EPHA6: variants seen among roughly 807,000 people sequenced by gnomAD.
EPHA6 encodes ephrin type-A receptor 6.
A neutral mutation model predicts 112.0 loss-of-function variants in EPHA6; 50 were observed. The observed-to-expected ratio is 0.45, with a 90% CI of 0.36 to 0.56. The LOEUF is 0.56. Among genes scored for constraint, EPHA6 ranks in the 20% least tolerant of loss-of-function variants. EPHA6 has a pLI of 0.00. For synonymous variants in EPHA6, 529 were observed against 490.7 expected (o/e 1.08, Z -1.03); for missense variants, 1,280 against 1,417.4 (o/e 0.90, Z 1.56).
intron 14 of EPHA6, among the ~76,000 whole-genome samples, chr3:97,642,020 C>T (rs2094011148): frequency 6.7e-6 from 1 of 148,856 alleles, no homozygotes. Context: ...GCAGTAACCT[C>T]TGCAGACTTA....
chr3:97,081,276 A>C (rs754244584), intron 3 of EPHA6, among the ~76,000 whole-genome samples: 4 of 152,078 alleles, frequency 2.6e-5, no homozygotes, highest in Admixed American at 2.0e-4. Flanking sequence ...CAAATAAACT[A>C]TAACATTACA....
chr3:96,854,132 G>A (rs1262114832), intron 1 of EPHA6, among the ~76,000 whole-genome samples: 1 of 148,784 alleles, frequency 6.7e-6, no homozygotes, highest in Non-Finnish European at 1.5e-5. Flanking sequence ...TTACATCATG[G>A]ATCTAAAAAA....
At chr3:96,952,623 A>G (rs1014232870) in intron 2 of EPHA6, among the ~76,000 whole-genome samples, 1 of 152,186 alleles carries the variant, frequency 6.6e-6, no homozygotes, top group Non-Finnish European at 1.5e-5. Flanking sequence ...CTGTCTCAAT[A>G]TTGTTATAGC....
intron 3 of EPHA6, among the ~76,000 whole-genome samples, chr3:97,039,384 A>T (rs1178857557): frequency 1.3e-5 from 2 of 152,134 alleles, no homozygotes; most frequent in African/African-American, 4.8e-5. Context: ...ATTTCAATTT[A>T]TAGAATTCAG....
At chr3:97,267,666 A>G (rs1246992696) in intron 5 of EPHA6, among the ~76,000 whole-genome samples, 1 of 152,086 alleles carries the variant, frequency 6.6e-6, no homozygotes, top group East Asian at 1.9e-4. Context: ...TTCTGACCCA[A>G]ATGGAAGATA....
Position 97,756,352 on chromosome 3 carries a change from T to C in EPHA6, c.*7651T>C, listed in dbSNP as rs187725636. On this transcript the variant is annotated 3_prime_UTR_variant, in exon 18 of 18. Coordinates refer to ENST00000389672, the MANE Select transcript of EPHA6 (RefSeq NM_001080448.3). ...TCTGTCAATGTGATTGATATGCTCA[T>C]TGTTAAATTTAACTTGTTTAAATAT... Among the ~76,000 whole-genome samples the C allele has an allele frequency of 4.0e-4, 61 of 152,102 alleles. 1 individual carries two copies. The South Asian group carries it at 5.4e-3, about 13-fold the overall frequency.
intron 13 of EPHA6, among the ~76,000 whole-genome samples, chr3:97,628,627 C>T (rs1007710394): frequency 6.6e-5 from 10 of 151,936 alleles, no homozygotes; most frequent in African/African-American, 2.4e-4. Context: ...ATCAGCATTT[C>T]AACAGCAATG....
intron 5 of EPHA6, among the ~76,000 whole-genome samples, chr3:97,256,584 A>G (rs1315943132): frequency 1.3e-5 from 2 of 152,022 alleles, no homozygotes; most frequent in East Asian, 1.9e-4. Flanking sequence ...TCTATACTGT[A>G]TTTTGCATAA....
chr3:96,913,325 G>A lies in EPHA6; in HGVS notation c.450+46436G>A, dbSNP rs111787977. Among the ~76,000 whole-genome samples the A allele has an allele frequency of 6.3e-3, 950 of 151,728 alleles. 7 individuals are homozygous for A. Among genetic ancestry groups the A allele is most frequent in the African/African-American group, 0.022 (897 of 41,400 alleles). On this transcript the variant is annotated intron_variant, in intron 2 of 17. Transcript: ENST00000389672. ...GTGAAGAATGCAGCGAACTATGATT[G>A]TGCCACTGTACTCCAGCTTGGGTGA...
intron 14 of EPHA6, among the ~76,000 whole-genome samples, chr3:97,717,127 A>G (rs1316967617): frequency 6.6e-6 from 1 of 150,636 alleles, no homozygotes. Flanking sequence ...GCTACTCGGG[A>G]GGCTGAGGCA....
intron 7 of EPHA6, among the ~76,000 whole-genome samples, chr3:97,461,296 C>T (rs533483680): frequency 1.3e-5 from 2 of 152,222 alleles, no homozygotes; most frequent in South Asian, 2.1e-4. Context: ...AAAATTCAAG[C>T]TTTGTACTTA....
intron 1 of EPHA6, among the ~76,000 whole-genome samples, chr3:96,865,701 A>C (rs1289982168): frequency 2.6e-5 from 4 of 151,040 alleles, no homozygotes; most frequent in Non-Finnish European, 5.9e-5. Context: ...AAACAAAAAA[A>C]AAAAAAAAAA....
At position 97,641,832 on chromosome 3, in the gene EPHA6, T is replaced by A. The variant is rs538070001; in HGVS notation, c.2784+3750T>A. 9.5e-4 allele frequency among the ~76,000 whole-genome samples: 145 copies of A among 151,972 alleles called. 3 individuals are homozygous for A. The highest frequency in any genetic ancestry group is 4.6e-4 in the Admixed American group (7 of 15,268). ...TGATTGCTAGCACAGCAGTCTGAGATCAAACTGCAAGGCGGCAGCGAGGCT... is the reference window on the plus strand; with the variant it reads ...TGATTGCTAGCACAGCAGTCTGAGAACAAACTGCAAGGCGGCAGCGAGGCT... On this transcript the variant is annotated intron_variant, in intron 14 of 17. Coordinates refer to ENST00000389672, the MANE Select transcript of EPHA6 (RefSeq NM_001080448.3).
chr3:97,102,564 G>T (rs935359553), intron 3 of EPHA6, among the ~76,000 whole-genome samples: 4 of 152,114 alleles, frequency 2.6e-5, no homozygotes, highest in Non-Finnish European at 5.9e-5. Flanking sequence ...TTGCTATTGT[G>T]AATAGTGCTG....
Position 97,161,915 on chromosome 3 carries a change from A to G in EPHA6, c.1115-64349A>G, listed in dbSNP as rs533570168. Among the ~76,000 whole-genome samples the G allele has an allele frequency of 2.3e-4, 35 of 152,320 alleles. 1 individual carries two copies. In the South Asian group the frequency reaches 6.2e-3, roughly 27 times the overall value. On this transcript the variant is annotated intron_variant, in intron 3 of 17. Transcript: ENST00000389672. ...TTACATGAGGCTGGAGAGATGATGT[A>G]TCTCTGCAGTAGGACAGTGAAGGTA... is the stretch of plus-strand genomic sequence containing the variant.
At chr3:97,120,678 G>T (rs1438478018) in intron 3 of EPHA6, among the ~76,000 whole-genome samples, 1 of 151,862 alleles carries the variant, frequency 6.6e-6, no homozygotes, top group Non-Finnish European at 1.5e-5. Context: ...CTTAAGCTGA[G>T]CAAAATTATT....
intron 10 of EPHA6, among the ~76,000 whole-genome samples, chr3:97,505,062 A>G (rs1460125759): frequency 6.6e-6 from 1 of 152,142 alleles, no homozygotes; most frequent in Non-Finnish European, 1.5e-5. Flanking sequence ...AGGAAGTTCA[A>G]TTCAGTCTGA....
intron 5 of EPHA6, among the ~76,000 whole-genome samples, chr3:97,294,529 A>G (rs1433353239): frequency 1.3e-5 from 2 of 152,198 alleles, no homozygotes; most frequent in South Asian, 2.1e-4. Flanking sequence ...GTTATTATTG[A>G]TATGTAATTA....
intron 10 of EPHA6, among the ~76,000 whole-genome samples, chr3:97,496,530 C>G (rs2091981615): frequency 6.6e-6 from 1 of 152,048 alleles, no homozygotes. Flanking sequence ...TTTTATTAAC[C>G]ACAACTTCAT....
Sources: gnomAD v4.1 joint callset for allele counts (sites outside exome capture counted in the v4.1 genomes callset) on GRCh38, gnomAD v4.1.1 for gene constraint, MANE v1.5 for transcripts, NCBI Gene and HGNC (gene_info 2026-07-23, HGNC 2026-07-21) for gene names.